The following KLHL6 variants were observed in gnomAD, a reference collection of about 807,000 sequenced individuals.
KLHL6 encodes the protein kelch like family member 6, also known as kelch-like protein 6.
Under a neutral mutation model 58.6 loss-of-function variants are expected in KLHL6, and 41 were observed. The ratio of observed to expected loss-of-function variants is 0.70; its 90% CI spans 0.55 to 0.91. The LOEUF (loss-of-function observed/expected upper bound fraction) is 0.91. Ranked by LOEUF, KLHL6 falls within the 40% of genes least tolerant of loss-of-function variation. The probability of loss-of-function intolerance (pLI) is 0.00; values close to 1 mark genes in which losing one functional copy is unlikely to be tolerated. For synonymous variants in KLHL6, 338 were observed against 322.7 expected (o/e 1.05, Z -0.51); for missense variants, 714 against 805.6 (o/e 0.89, Z 1.38).
intron 2 of KLHL6, among the ~76,000 whole-genome samples, chr3:183,519,914 AAAAC>A (rs1301715399): frequency 6.4e-4 from 97 of 150,920 alleles, no homozygotes; most frequent in Non-Finnish European, 1.0e-3. Flanking sequence ...AAAAAAAAAA[AAAAC>A]AAGAAAACAG....
Position 183,555,351 on chromosome 3 carries a change from G to T in KLHL6, c.293+10C>A. 1.2e-6 allele frequency: 2 copies of T among 1,612,402 alleles called. No individual in the cohort carries two copies. The highest frequency in any genetic ancestry group is 2.2e-5 in the South Asian group (2 of 90,948). ...GCACCCAATTTGACTCTGGTCCTAG[G>T]CATGCTGACCTGAAATAGTTGCTGG... is the stretch of plus-strand genomic sequence containing the variant. On this transcript the variant is annotated intron_variant, in intron 1 of 6. Coordinates refer to ENST00000341319, the MANE Select transcript of KLHL6 (RefSeq NM_130446.4).
At chr3:183,551,179 G>C (rs750998097) in intron 1 of KLHL6, among the ~76,000 whole-genome samples, 11 of 151,562 alleles carry the variant, frequency 7.3e-5, no homozygotes, top group Non-Finnish European at 1.5e-4. Flanking sequence ...AGTTATTGGA[G>C]AATGTGCTTA....
rs748341250 is a variant in KLHL6 at position 183,555,407 on chromosome 3, A to G, written c.247T>C (p.Phe83Leu). 2 of 1,614,134 alleles carry G rather than the reference A, an allele frequency of 1.2e-6. No homozygotes were observed. The highest frequency in any genetic ancestry group is 1.7e-6 in the Non-Finnish European group (2 of 1,180,014). ...GCAAGCACCACGCGGTGGCAGGAGAATTCCTGAATGTCCACACACAAGATG... is the reference window on the plus strand; with the variant it reads ...GCAAGCACCACGCGGTGGCAGGAGAGTTCCTGAATGTCCACACACAAGATG... ...DVILCVDIQE[F>L]SCHRVVLAAA... The change falls in exon 1 of 7, where the codon TTC (phenylalanine) becomes CTC (leucine). Residue 83 changes from phenylalanine to leucine, a missense_variant. Transcript: ENST00000341319.
intron 1 of KLHL6, among the ~76,000 whole-genome samples, chr3:183,542,422 GGTT>G (rs1454376135): frequency 2.6e-5 from 4 of 152,038 alleles, no homozygotes; most frequent in Non-Finnish European, 5.9e-5. Flanking sequence ...TTCTACCTGT[GGTT>G]ACACTGCGTG....
chr3:183,492,431 G>C lies in KLHL6; in HGVS notation c.1564+63C>G. On this transcript the variant is annotated intron_variant, in intron 6 of 6. Coordinates refer to ENST00000341319, the MANE Select transcript of KLHL6 (RefSeq NM_130446.4). The surrounding 1 kb of genome is among the most constrained non-coding windows in gnomAD (Gnocchi z 5.9). ...GGAGACACCGCGACACACCGTTTAC[G>C]TGCTGCAGCCAGGCGCTCATCAGGT... The C allele has an allele frequency of 2.6e-6, 4 of 1,563,534 alleles. No individual in the cohort carries two copies. The highest frequency in any genetic ancestry group is 3.5e-6 in the Non-Finnish European group (4 of 1,136,882).
intron 4 of KLHL6, among the ~76,000 whole-genome samples, chr3:183,495,423 G>A (rs1717688330): frequency 6.6e-6 from 1 of 152,064 alleles, no homozygotes; most frequent in African/African-American, 2.4e-5. Context: ...TGTTCATATA[G>A]TTTGGCTATT....
At chr3:183,536,023 C>T (rs186261558) in intron 1 of KLHL6, among the ~76,000 whole-genome samples, 26 of 152,358 alleles carry the variant, frequency 1.7e-4, no homozygotes, top group Non-Finnish European at 2.8e-4. Context: ...ATCTGCCCCC[C>T]TCGGGCTCCC....
At chr3:183,523,331 A>G (rs1029675709) in intron 2 of KLHL6, among the ~76,000 whole-genome samples, 2 of 152,168 alleles carry the variant, frequency 1.3e-5, no homozygotes, top group African/African-American at 4.8e-5. Flanking sequence ...CCTATTGTAA[A>G]CAAAGGCAAT....
chr3:183,517,494 AC>A (rs1711604847), intron 2 of KLHL6, among the ~76,000 whole-genome samples: 1 of 152,140 alleles, frequency 6.6e-6, no homozygotes, highest in Non-Finnish European at 1.5e-5. Context: ...TGGCTGAGAA[AC>A]CTGCTGGTTC....
chr3:183,552,361 A>C (rs1712949105), intron 1 of KLHL6: 1 of 152,218 alleles, frequency 6.6e-6, no homozygotes. Flanking sequence ...GAATAAAGGA[A>C]AAAAATGACA....
intron 1 of KLHL6, among the ~76,000 whole-genome samples, chr3:183,548,469 C>T (rs902534706): frequency 5.9e-5 from 9 of 152,100 alleles, no homozygotes; most frequent in Non-Finnish European, 1.3e-4. Flanking sequence ...GCCTGGAATC[C>T]TTGTCTGGAT....
chr3:183,538,022 C>T (rs886078219), intron 1 of KLHL6, among the ~76,000 whole-genome samples: 1 of 152,082 alleles, frequency 6.6e-6, no homozygotes, highest in Non-Finnish European at 1.5e-5. Flanking sequence ...CTTGTCCTTC[C>T]TAGTCCCTTT....
At position 183,527,916 on chromosome 3, in the gene KLHL6, T is replaced by G. The variant is rs780823956; in HGVS notation, c.388A>C (p.Thr130Pro). The G allele has an allele frequency of 4.3e-6, 7 of 1,613,968 alleles. No homozygotes were observed. In the South Asian group the frequency reaches 5.5e-5, roughly 13 times the overall value. ...GTGATCAGCGCCTTGCTGGTGTACG[T>G]GTAGTCCAACAGAGTGTGCATGGTC... Reference protein sequence around the residue: ...AETMHTLLDYTYTSKALITKQ... With the variant: ...AETMHTLLDYPYTSKALITKQ... Residue 130 changes from threonine (T) to proline (P), a missense_variant, in exon 2 of 7, where the codon ACG becomes CCG. Thr to Pro is a conservative substitution (Grantham distance 38). Around this residue, in one of 2 missense-constraint regions of KLHL6, gnomAD observed 204 missense variants for 175.9 expected, o/e 1.16. Coordinates refer to ENST00000341319, the MANE Select transcript of KLHL6 (RefSeq NM_130446.4).
Position 183,538,876 on chromosome 3 carries a change from T to C in KLHL6, c.294-10866A>G, listed in dbSNP as rs112413744. 5.6e-3 allele frequency among the ~76,000 whole-genome samples: 847 copies of C among 152,208 alleles called. 7 individuals are homozygous for C. Among genetic ancestry groups the C allele is most frequent in the African/African-American group, 0.019 (804 of 41,502 alleles). Reference sequence around the variant, plus strand: ...TATGGATCCTGTCTCAATACTGGAGTCCTGCTTACATCCTTGGCCTCAGAT... The same window carrying C: ...TATGGATCCTGTCTCAATACTGGAGCCCTGCTTACATCCTTGGCCTCAGAT... On this transcript the variant is annotated intron_variant, in intron 1 of 6. Coordinates refer to ENST00000341319, the MANE Select transcript of KLHL6 (RefSeq NM_130446.4).
intron 3 of KLHL6, among the ~76,000 whole-genome samples, chr3:183,501,597 C>T (rs949416299): frequency 2.6e-5 from 4 of 152,282 alleles, no homozygotes; most frequent in South Asian, 2.1e-4. Context: ...CTGGACTAGC[C>T]GTGATCTTAC....
intron 1 of KLHL6, among the ~76,000 whole-genome samples, chr3:183,528,730 A>C (rs1228460135): frequency 1.3e-5 from 2 of 152,192 alleles, no homozygotes; most frequent in Non-Finnish European, 2.9e-5. Context: ...AGGTCATTTA[A>C]TCTCCATGAC....
intron 1 of KLHL6, among the ~76,000 whole-genome samples, chr3:183,549,560 G>C (rs374906948): frequency 6.6e-6 from 1 of 152,218 alleles, no homozygotes; most frequent in Admixed American, 6.5e-5. Context: ...CCCGGCTGGA[G>C]TGCAGTGGCA....
intron 1 of KLHL6, among the ~76,000 whole-genome samples, chr3:183,539,365 A>C (rs986795711): frequency 6.6e-6 from 1 of 152,172 alleles, no homozygotes; most frequent in Non-Finnish European, 1.5e-5. Context: ...AGGAGCTGGA[A>C]GCCTACAGCT....
chr3:183,531,454 T>TTTTTTA, intron 1 of KLHL6, among the ~76,000 whole-genome samples: 1 of 131,976 alleles, frequency 7.6e-6, no homozygotes, highest in African/African-American at 3.2e-5. Context: ...TTTTTTTTTT[T>TTTTTTA]TTTTTTTTTT....
Sources: allele counts gnomAD v4.1 joint callset (sites outside exome capture counted in the v4.1 genomes callset), GRCh38; gene constraint gnomAD v4.1.1; regional missense constraint gnomAD v4.1.1; non-coding constraint Gnocchi (gnomAD v3.1); transcripts MANE v1.5; gene names NCBI Gene and HGNC (gene_info 2026-07-23, HGNC 2026-07-21).